WASF3: variants seen among roughly 807,000 people sequenced by gnomAD.
The protein encoded by WASF3 is actin-binding protein WASF3.
Under a neutral mutation model 46.6 loss-of-function variants are expected in WASF3, and 11 were observed. That is an observed-to-expected ratio of 0.24 (90% CI 0.15 to 0.39). The LOEUF (loss-of-function observed/expected upper bound fraction) is 0.39. Among genes scored for constraint, WASF3 ranks in the 10% least tolerant of loss-of-function variants. The probability of loss-of-function intolerance (pLI) is 1.00; values close to 1 mark genes in which losing one functional copy is unlikely to be tolerated. For synonymous variants in WASF3, 242 were observed against 259.7 expected, an observed-to-expected ratio of 0.93 and a Z score of 0.65; for missense variants, 576 against 669.8, an observed-to-expected ratio of 0.86 and a Z score of 1.55.
chr13:26,593,305 T>G (rs1880360344), intron 1 of WASF3, among the ~76,000 whole-genome samples: 1 of 152,228 alleles, frequency 6.6e-6, no homozygotes, highest in Non-Finnish European at 1.5e-5. Context: ...TGCCGGTGCC[T>G]CCTGAGTTTT....
chr13:26,573,028 G>A (rs562574975), intron 1 of WASF3, among the ~76,000 whole-genome samples: 4 of 152,252 alleles, frequency 2.6e-5, no homozygotes, highest in African/African-American at 9.6e-5. Context: ...ATTTTTTCAT[G>A]TTTAAAAAAA....
At chr13:26,607,269 C>CT (rs765611647) in intron 1 of WASF3, among the ~76,000 whole-genome samples, 31 of 151,974 alleles carry the variant, frequency 2.0e-4, no homozygotes, top group African/African-American at 7.5e-4. Context: ...TTTCTAATGC[C>CT]TAATAGTGGG....
intron 2 of WASF3, among the ~76,000 whole-genome samples, chr13:26,625,550 A>C (rs565656285): frequency 6.6e-6 from 1 of 152,196 alleles, no homozygotes; most frequent in East Asian, 1.9e-4. Context: ...AGAGAGAGAG[A>C]GAGAAAATTC....
chr13:26,655,602 G>GA (rs1246705272), intron 3 of WASF3, among the ~76,000 whole-genome samples: 11 of 152,160 alleles, frequency 7.2e-5, no homozygotes, highest in African/African-American at 2.7e-4. Flanking sequence ...ATCCTTGACA[G>GA]AAACAGTTGC....
intron 1 of WASF3, among the ~76,000 whole-genome samples, chr13:26,568,472 G>T (rs1415149109): frequency 6.6e-6 from 1 of 152,182 alleles, no homozygotes; most frequent in Non-Finnish European, 1.5e-5. Context: ...GTGACACCTT[G>T]ACCTGAGAAT....
chr13:26,577,160 A>C, intron 1 of WASF3: 1 of 763,314 alleles, frequency 1.3e-6, no homozygotes, highest in Non-Finnish European at 2.4e-6. Flanking sequence ...GAAGATGTTC[A>C]GGGCAAAAAC....
the WASF3 span, among the ~76,000 whole-genome samples, chr13:26,547,389 C>G: frequency 1.2e-5 from 1 of 83,408 alleles, no homozygotes; most frequent in East Asian, 4.0e-4. Context: ...TCTCCTACCC[C>G]ATCAACACAC....
chr13:26,575,182 C>T (rs188041034), intron 1 of WASF3, among the ~76,000 whole-genome samples: 11 of 152,198 alleles, frequency 7.2e-5, no homozygotes, highest in African/African-American at 2.6e-4. Context: ...TTGTATGCTA[C>T]TTTTATAAGG....
chr13:26,612,486 T>C (rs1233775951), intron 1 of WASF3, among the ~76,000 whole-genome samples: 1 of 152,246 alleles, frequency 6.6e-6, no homozygotes, highest in Non-Finnish European at 1.5e-5. Context: ...TCCCTGTAGC[T>C]ACTATTAGAA....
chr13:26,540,162 G>A, the WASF3 span, among the ~76,000 whole-genome samples: 1 of 152,264 alleles, frequency 6.6e-6, no homozygotes, highest in African/African-American at 2.4e-5. Flanking sequence ...CATCAAACCT[G>A]GTTGGGCAAC....
chr13:26,577,177 A>T lies in WASF3; in HGVS notation c.-109+19358A>T, dbSNP rs1416473741. 6 of 755,200 alleles carry T rather than the reference A, an allele frequency of 7.9e-6. No individual in the cohort carries two copies. The African/African-American group carries it at 1.0e-4, about 13-fold the overall frequency. The allele number at this position is 755,200 out of a possible 1,614,324, so 46.8% of individuals were successfully genotyped here. The stretch of plus-strand genomic sequence containing the variant: ...AGATGTTCAGGGCAAAAACTTCCTA[A>T]CTTCCTTGGCATGGATCTTACCTGT... On this transcript the variant is annotated intron_variant, in intron 1 of 9. Transcript: ENST00000335327.
At chr13:26,557,535 A>AGC (rs1483815541), upstream of WASF3, among the ~76,000 whole-genome samples, 4 of 152,084 alleles carry the variant, frequency 2.6e-5, no homozygotes, top group Non-Finnish European at 5.9e-5. Flanking sequence ...ACCGTCGCTC[A>AGC]GCGCGCTCGC....
chr13:26,677,376 G>A (rs1437351099), intron 7 of WASF3, among the ~76,000 whole-genome samples: 1 of 152,142 alleles, frequency 6.6e-6, no homozygotes. Flanking sequence ...CAATTTTAAC[G>A]TTTGATTCAG....
chr13:26,547,942 A>G, the WASF3 span, among the ~76,000 whole-genome samples: 2 of 152,212 alleles, frequency 1.3e-5, no homozygotes, highest in Non-Finnish European at 2.9e-5. Context: ...GAGTCATCTA[A>G]TCATGCATTA....
intron 1 of WASF3, among the ~76,000 whole-genome samples, chr13:26,601,813 G>C (rs1880650057): frequency 1.3e-5 from 2 of 152,224 alleles, no homozygotes; most frequent in Admixed American, 1.3e-4. Flanking sequence ...AGACAGATCA[G>C]TGCTGCCACC....
At chr13:26,673,284 G>A (rs1882972503) in intron 6 of WASF3, among the ~76,000 whole-genome samples, 1 of 152,070 alleles carries the variant, frequency 6.6e-6, no homozygotes, top group African/African-American at 2.4e-5. Context: ...TGAATATTAT[G>A]TCTTTAAAAT....
intron 1 of WASF3, among the ~76,000 whole-genome samples, chr13:26,572,446 A>G (rs939803916): frequency 6.6e-6 from 1 of 152,106 alleles, no homozygotes; most frequent in African/African-American, 2.4e-5. Flanking sequence ...ATGAATACTG[A>G]ATTTTGTTGA....
chr13:26,541,284 C>G, the WASF3 span, among the ~76,000 whole-genome samples: 1 of 152,086 alleles, frequency 6.6e-6, no homozygotes, highest in Admixed American at 6.5e-5. Context: ...ATCTCGAGGG[C>G]AGGGAAAGGC....
chr13:26,662,593 C>A (rs1882660681), intron 3 of WASF3, among the ~76,000 whole-genome samples: 1 of 152,162 alleles, frequency 6.6e-6, no homozygotes, highest in South Asian at 2.1e-4. Context: ...GGGAGCTAAG[C>A]ACTGGGTACG....
Sources: allele counts gnomAD v4.1 joint callset (sites outside exome capture counted in the v4.1 genomes callset), GRCh38; gene constraint gnomAD v4.1.1; transcripts MANE v1.5; gene names NCBI Gene and HGNC (gene_info 2026-07-23, HGNC 2026-07-21).